The following INSYN2B variants were observed in gnomAD, a reference collection of about 807,000 sequenced individuals.
INSYN2B encodes the protein inhibitory synaptic factor family member 2B, also known as protein INSYN2B.
Under a neutral mutation model 41.2 loss-of-function variants are expected in INSYN2B, and 16 were observed. The ratio of observed to expected loss-of-function variants is 0.39; its 90% CI spans 0.26 to 0.59. The LOEUF (loss-of-function observed/expected upper bound fraction) is 0.59. INSYN2B is among the 20% of genes least tolerant of loss of function. INSYN2B has a pLI of 0.57. For missense variants in INSYN2B, 608 were observed against 646.4 expected (o/e 0.94, Z 0.64); for synonymous variants, 245 against 244.4 (o/e 1.00, Z -0.02).
At chr5:169,960,609 C>A (rs1230145003) in intron 1 of INSYN2B, among the ~76,000 whole-genome samples, 1 of 152,162 alleles carries the variant, frequency 6.6e-6, no homozygotes, top group Non-Finnish European at 1.5e-5. Context: ...GAGGGCCAGC[C>A]ATTTGACTCA....
Position 169,876,257 on chromosome 5 carries a change from G to C in INSYN2B, c.1421+5111C>G, listed in dbSNP as rs188460665. On this transcript the variant is annotated intron_variant, in intron 3 of 3. Transcript: ENST00000377365. The stretch of plus-strand genomic sequence containing the variant: ...TCCTTCACTTCATTTCATCTGCAAA[G>C]TCCCTTTTGCCAAATAAGGTCACAT... Among the ~76,000 whole-genome samples the C allele has an allele frequency of 7.2e-5, 11 of 152,330 alleles. No homozygotes were observed. In the East Asian group the frequency reaches 2.1e-3, roughly 29 times the overall value.
intron 1 of INSYN2B, among the ~76,000 whole-genome samples, chr5:169,885,092 A>G (rs907382757): frequency 6.6e-6 from 1 of 152,186 alleles, no homozygotes; most frequent in Admixed American, 6.5e-5. Context: ...GCAATTTCTC[A>G]GGCAGCCTTT....
At chr5:169,881,140 A>G (rs968370640) in intron 3 of INSYN2B, among the ~76,000 whole-genome samples, 9 of 152,194 alleles carry the variant, frequency 5.9e-5, no homozygotes, top group Admixed American at 3.3e-4. Context: ...TGATGCCTGC[A>G]CTTAGTGTTT....
intron 1 of INSYN2B, among the ~76,000 whole-genome samples, chr5:169,885,021 C>A (rs1297466066): frequency 1.3e-5 from 2 of 152,234 alleles, no homozygotes; most frequent in East Asian, 3.9e-4. Context: ...CTGCCTGGAC[C>A]CTTTTCTCTC....
At chr5:169,941,662 C>T (rs1776252373) in intron 1 of INSYN2B, among the ~76,000 whole-genome samples, 1 of 152,172 alleles carries the variant, frequency 6.6e-6, no homozygotes, top group African/African-American at 2.4e-5. Flanking sequence ...GACGGCTCCT[C>T]CAGCAGGGTA....
intron 1 of INSYN2B, among the ~76,000 whole-genome samples, chr5:169,949,887 G>A (rs1282938548): frequency 6.6e-5 from 10 of 151,830 alleles, no homozygotes; most frequent in South Asian, 4.2e-4. Flanking sequence ...CCATACATAC[G>A]TGCTCATATC....
chr5:169,925,748 A>T (rs1036687243), intron 1 of INSYN2B, among the ~76,000 whole-genome samples: 7 of 151,926 alleles, frequency 4.6e-5, no homozygotes, highest in African/African-American at 1.7e-4. Flanking sequence ...GGAGCATTAA[A>T]AGAGATCATG....
intron 1 of INSYN2B, among the ~76,000 whole-genome samples, chr5:169,888,890 T>C (rs937086900): frequency 6.6e-6 from 1 of 152,222 alleles, no homozygotes; most frequent in African/African-American, 2.4e-5. Flanking sequence ...GGTGCATTCA[T>C]GGGAAGGAAT....
At chr5:169,867,814 A>C (rs1210900393) in intron 3 of INSYN2B, among the ~76,000 whole-genome samples, 1 of 152,170 alleles carries the variant, frequency 6.6e-6, no homozygotes, top group Non-Finnish European at 1.5e-5. Flanking sequence ...TTCTGTCTGC[A>C]CCACCTATAC....
intron 1 of INSYN2B, among the ~76,000 whole-genome samples, chr5:169,940,355 A>G (rs1318233839): frequency 2.0e-5 from 3 of 152,166 alleles, no homozygotes; most frequent in African/African-American, 4.8e-5. Flanking sequence ...GAGTATTGCT[A>G]TTGGCATCTA....
chr5:169,917,090 C>T (rs539182630), intron 1 of INSYN2B, among the ~76,000 whole-genome samples: 78 of 152,246 alleles, frequency 5.1e-4, no homozygotes, highest in African/African-American at 1.6e-3. Flanking sequence ...GTGGAGTTGA[C>T]GTATGATCAA....
chr5:169,899,261 T>C (rs1340186484), intron 1 of INSYN2B, among the ~76,000 whole-genome samples: 1 of 152,170 alleles, frequency 6.6e-6, no homozygotes, highest in East Asian at 1.9e-4. Context: ...GCCCAGACAG[T>C]ATGGCTCATT....
chr5:169,897,478 C>G (rs781512613), intron 1 of INSYN2B, among the ~76,000 whole-genome samples: 1 of 152,030 alleles, frequency 6.6e-6, no homozygotes, highest in South Asian at 2.1e-4. Context: ...TGTGAGCCAC[C>G]GTACTCGGCC....
chr5:169,872,754 G>A (rs1018351092), intron 3 of INSYN2B, among the ~76,000 whole-genome samples: 3 of 152,184 alleles, frequency 2.0e-5, no homozygotes, highest in African/African-American at 7.2e-5. Flanking sequence ...AAGAGGGGAA[G>A]GGACAGGAAA....
At chr5:169,977,574 A>C (rs1419520554) in intron 1 of INSYN2B, among the ~76,000 whole-genome samples, 1 of 152,196 alleles carries the variant, frequency 6.6e-6, no homozygotes, top group Non-Finnish European at 1.5e-5. Flanking sequence ...CGAGGTCACA[A>C]AACTAGTAAG....
chr5:169,943,447 A>G (rs979373115), intron 1 of INSYN2B, among the ~76,000 whole-genome samples: 4 of 152,174 alleles, frequency 2.6e-5, no homozygotes, highest in African/African-American at 9.7e-5. Flanking sequence ...CCTTTCTAAC[A>G]TTTAAACTCT....
At chr5:169,902,590 T>C (rs1773989151) in intron 1 of INSYN2B, among the ~76,000 whole-genome samples, 1 of 152,204 alleles carries the variant, frequency 6.6e-6, no homozygotes, top group African/African-American at 2.4e-5. Flanking sequence ...TTTTGTAGAC[T>C]GCACCCCGCT....
At chr5:169,914,397 G>T (rs984480389) in intron 1 of INSYN2B, among the ~76,000 whole-genome samples, 2 of 152,152 alleles carry the variant, frequency 1.3e-5, no homozygotes, top group South Asian at 2.1e-4. Context: ...CCTACTCTGA[G>T]CCAGGAACTG....
At chr5:169,977,100 T>TA (rs1476291870) in intron 1 of INSYN2B, among the ~76,000 whole-genome samples, 1 of 152,226 alleles carries the variant, frequency 6.6e-6, no homozygotes, top group African/African-American at 2.4e-5. Context: ...AGACAGTTAT[T>TA]TTTCAGGCTT....
Sources: allele counts gnomAD v4.1 joint callset (sites outside exome capture counted in the v4.1 genomes callset), GRCh38; gene constraint gnomAD v4.1.1; transcripts MANE v1.5; gene names NCBI Gene and HGNC (gene_info 2026-07-23, HGNC 2026-07-21).